The following GUCY2F variants were observed in gnomAD, a reference collection of about 807,000 sequenced individuals.
The protein encoded by GUCY2F is guanylate cyclase 2F, retinal.
GUCY2F carries 61 observed loss-of-function variants against 73.1 expected under a neutral mutation model. The observed-to-expected ratio is 0.83, with a 90% confidence interval of 0.68 to 1.03. GUCY2F has a LOEUF of 1.03. GUCY2F is among the 50% of genes least tolerant of loss of function. The probability of loss-of-function intolerance (pLI) is 0.00; values close to 1 mark genes in which losing one functional copy is unlikely to be tolerated. For synonymous variants in GUCY2F, 331 were observed against 307.8 expected (o/e 1.08, Z -0.79); for missense variants, 912 against 854.3 (o/e 1.07, Z -0.84).
intron 2 of GUCY2F, among the ~76,000 whole-genome samples, chrX:109,470,171 G>A (rs1164939843): frequency 8.9e-6 from 1 of 111,758 alleles, no homozygotes; most frequent in Non-Finnish European, 1.9e-5. Flanking sequence ...TCCATACCTT[G>A]AAACATATGT....
chrX:109,444,217 A>T lies in GUCY2F; in HGVS notation c.1570-2735T>A, dbSNP rs149314824. Among the ~76,000 whole-genome samples the T allele has an allele frequency of 6.2e-3, 697 of 112,380 alleles. 8 individuals are homozygous for T. The highest frequency in any genetic ancestry group is 0.021 in the African/African-American group (664 of 31,026). On this transcript the variant is annotated intron_variant, in intron 6 of 19. Transcript: ENST00000218006. ...CCAGGAACACAATATTAACCTTACA[A>T]AAAGATCTGATGATTTAAATAAGTA...
At position 109,409,082 on chromosome X, in the gene GUCY2F, A is replaced by G; in HGVS notation, c.1878T>C (p.Cys626=). The G allele has an allele frequency of 9.3e-7, 1 of 1,080,930 alleles. No homozygotes were observed. The highest frequency in any genetic ancestry group is 1.3e-6 in the Non-Finnish European group (1 of 776,028). 89.1% of individuals were successfully genotyped at this position (1,080,930 alleles called of 1,213,427 possible). The part of the protein sequence containing the change: ...SGMFAIVTEF[C]SRGSLEDILT... ...GTATGTCTTCTAGGCTCCCTCGGGA[A>G]CAGAATTCTGTCACAATGGCAAACA... Residue 626 remains cysteine (C), a synonymous_variant, in exon 9 of 20, where the codon TGT becomes TGC. Coordinates refer to ENST00000218006, the MANE Select transcript of GUCY2F (RefSeq NM_001522.3).
At chrX:109,465,924 T>G (rs1263905974) in intron 2 of GUCY2F, among the ~76,000 whole-genome samples, 2 of 112,094 alleles carry the variant, frequency 1.8e-5, no homozygotes, top group African/African-American at 6.5e-5. Context: ...GTAGCTACTA[T>G]ATACCTAAGA....
chrX:109,481,106 G>GGAA (rs1259773297), intron 1 of GUCY2F, among the ~76,000 whole-genome samples: 1 of 61,809 alleles, frequency 1.6e-5, no homozygotes, highest in African/African-American at 5.6e-5. Context: ...AAGGAAGGAA[G>GGAA]GGAGGGAGGG....
chrX:109,465,803 GCTCT>G (rs894522394), intron 2 of GUCY2F, among the ~76,000 whole-genome samples: 2 of 112,063 alleles, frequency 1.8e-5, no homozygotes, highest in African/African-American at 6.5e-5. Context: ...TTACTTAACC[GCTCT>G]CTGTCTCGTC....
chrX:109,405,381 A>G (rs1015681397), intron 9 of GUCY2F, among the ~76,000 whole-genome samples: 1 of 111,910 alleles, frequency 8.9e-6, no homozygotes, highest in African/African-American at 3.2e-5. Context: ...TTATTTTTGT[A>G]ATTAAAAATA....
intron 3 of GUCY2F, among the ~76,000 whole-genome samples, chrX:109,458,830 A>G (rs2300118): frequency 0.042 from 4,642 of 111,379 alleles, 199 homozygotes; most frequent in African/African-American, 0.13. Flanking sequence ...CAAGAACCCT[A>G]TTAGTTAGGT....
intron 17 of GUCY2F, among the ~76,000 whole-genome samples, chrX:109,378,472 C>T (rs990598013): frequency 1.3e-4 from 14 of 111,666 alleles, no homozygotes; most frequent in African/African-American, 4.6e-4. Context: ...AACGAAAGCA[C>T]AGAGAGAGGG....
At chrX:109,473,014 T>C (rs1362839188) in intron 2 of GUCY2F, among the ~76,000 whole-genome samples, 2 of 111,462 alleles carry the variant, frequency 1.8e-5, no homozygotes, top group Non-Finnish European at 3.8e-5. Context: ...CCTGAGGTTG[T>C]ACTCAGGCCA....
chrX:109,469,271 G>A (rs1226490434), intron 2 of GUCY2F, among the ~76,000 whole-genome samples: 1 of 111,315 alleles, frequency 9.0e-6, no homozygotes, highest in Non-Finnish European at 1.9e-5. Flanking sequence ...AACTCCGGGA[G>A]AAGCCAATTT....
At position 109,409,153 on chromosome X, in the gene GUCY2F, G is replaced by A. The variant is rs1931045342; in HGVS notation, c.1807C>T (p.His603Tyr). ...CCCAATAAAGGGTTAATATTCTCAT[G>A]ACGCAAGTCCTTCATCTGGAAATGA... ...DVFEMMKDLR[H>Y]ENINPLLGFF... The change falls in exon 9 of 20, where the codon CAT becomes TAT. Residue 603 changes from histidine to tyrosine, a missense_variant. His to Tyr is a moderately conservative substitution (Grantham distance 83). Transcript: ENST00000218006. 1 of 1,104,226 alleles carries A rather than the reference G, an allele frequency of 9.1e-7. No homozygotes were observed. Among genetic ancestry groups the A allele is most frequent in the South Asian group, 1.9e-5 (1 of 53,704 alleles). 91.0% of individuals were successfully genotyped at this position (1,104,226 alleles called of 1,213,427 possible).
intron 19 of GUCY2F, among the ~76,000 whole-genome samples, chrX:109,375,133 C>G (rs1053196157): frequency 3.8e-5 from 4 of 103,933 alleles, no homozygotes; most frequent in Non-Finnish European, 7.8e-5. Context: ...GTTTCAGGGC[C>G]AAAGTTTCCA....
intron 8 of GUCY2F, among the ~76,000 whole-genome samples, chrX:109,416,212 T>G (rs1358209595): frequency 5.5e-5 from 6 of 109,746 alleles, no homozygotes; most frequent in Non-Finnish European, 5.7e-5. Flanking sequence ...AAAAAAAAGG[T>G]CAATAGAAAT....
At chrX:109,434,321 C>A (rs57658566) in intron 7 of GUCY2F, among the ~76,000 whole-genome samples, 5,382 of 109,961 alleles carry the variant, frequency 0.049, 306 homozygotes, top group African/African-American at 0.16. Flanking sequence ...CCTGGCAGTC[C>A]GCTCATCTGG....
In GUCY2F at chrX:109,453,580, T is replaced by G. The variant is rs930916335; in HGVS notation, c.1312A>C (p.Ile438Leu). ...MELLRFGGTP[I>L]HFPGGRPPRA... ...GGGGGCCTGCCACCAGGGAAGTGAA[T>G]AGGGGTCCCTCCGAAACGTAGCAGC... Residue 438 changes from isoleucine (I) to leucine (L), a missense_variant, in exon 4 of 20, where the codon ATT becomes CTT. Coordinates refer to ENST00000218006, the MANE Select transcript of GUCY2F (RefSeq NM_001522.3). 6.6e-6 allele frequency: 8 copies of G among 1,209,698 alleles called. No individual in the cohort carries two copies. The highest frequency in any genetic ancestry group is 9.0e-6 in the Non-Finnish European group (8 of 893,787).
At chrX:109,468,516 G>T (rs1392015668) in intron 2 of GUCY2F, among the ~76,000 whole-genome samples, 1 of 111,529 alleles carries the variant, frequency 9.0e-6, no homozygotes, top group Non-Finnish European at 1.9e-5. Context: ...AGTGATATTT[G>T]CTGGGCAGGT....
At chrX:109,393,463 G>C (rs1430280468) in intron 12 of GUCY2F, among the ~76,000 whole-genome samples, 1 of 111,055 alleles carries the variant, frequency 9.0e-6, no homozygotes, top group African/African-American at 3.3e-5. Context: ...TACTCTTCTG[G>C]ATCATCAGTT....
Position 109,436,927 on chromosome X carries a change from A to T in GUCY2F, c.1701+4424T>A, listed in dbSNP as rs754782217. The stretch of plus-strand genomic sequence containing the variant: ...TTGTGCACATGTACCCTAAAACTTA[A>T]AGTATAATAATAATAAAAAAAGAAA... On this transcript the variant is annotated intron_variant, in intron 7 of 19. Coordinates refer to ENST00000218006, the MANE Select transcript of GUCY2F (RefSeq NM_001522.3). Among the ~76,000 whole-genome samples the T allele has an allele frequency of 1.6e-4, 18 of 109,859 alleles. No individual in the cohort carries two copies. The South Asian group carries it at 6.5e-3, about 40-fold the overall frequency.
At chrX:109,403,732 A>G (rs1257270654) in intron 10 of GUCY2F, among the ~76,000 whole-genome samples, 1 of 112,481 alleles carries the variant, frequency 8.9e-6, no homozygotes, top group Non-Finnish European at 1.9e-5. Context: ...TGTGCATGCC[A>G]CAAAATGAAA....
Sources: gnomAD v4.1 joint callset for allele counts (sites outside exome capture counted in the v4.1 genomes callset) on GRCh38, gnomAD v4.1.1 for gene constraint, MANE v1.5 for transcripts, NCBI Gene and HGNC (gene_info 2026-07-23, HGNC 2026-07-21) for gene names.